CRPPA: variants seen among roughly 807,000 people sequenced by gnomAD.
CRPPA encodes the protein CDP-L-ribitol pyrophosphorylase A.
A neutral mutation model predicts 52.0 loss-of-function variants in CRPPA; 43 were observed. The observed-to-expected ratio is 0.83, with a 90% CI of 0.65 to 1.07. The LOEUF is 1.07. Among genes scored for constraint, CRPPA ranks in the 50% least tolerant of loss-of-function variants. CRPPA has a pLI of 0.00. For synonymous variants in CRPPA, 250 were observed against 203.5 expected (o/e 1.23, Z -1.94); for missense variants, 629 against 551.7 (o/e 1.14, Z -1.40).
In CRPPA at chr7:16,176,709, T is replaced by G. The variant is rs987942812; in HGVS notation, c.1251+39357A>C. On this transcript the variant is annotated intron_variant, in intron 9 of 9. Transcript: ENST00000407010. ...CTCTCACCTCAGCCTCCGCAGTAGCTGGGACTATAGGCATGCACCACCATA... is the reference window on the plus strand; with the variant it reads ...CTCTCACCTCAGCCTCCGCAGTAGCGGGGACTATAGGCATGCACCACCATA... Among the ~76,000 whole-genome samples the G allele has an allele frequency of 2.6e-5, 4 of 152,126 alleles. No homozygotes were observed. In the East Asian group the frequency reaches 7.7e-4, roughly 29 times the overall value.
intron 5 of CRPPA, among the ~76,000 whole-genome samples, chr7:16,286,926 C>T (rs1232727468): frequency 6.6e-6 from 1 of 152,070 alleles, no homozygotes; most frequent in East Asian, 1.9e-4. Context: ...TAAGTTTATT[C>T]AGAGCTGATA....
chr7:16,149,136 T>C (rs973168512), intron 9 of CRPPA, among the ~76,000 whole-genome samples: 2 of 152,182 alleles, frequency 1.3e-5, no homozygotes, highest in Non-Finnish European at 2.9e-5. Context: ...GTACTATGAA[T>C]ATACATATGG....
At position 16,311,466 on chromosome 7, in the gene CRPPA, C is replaced by G. The variant is rs187631639; in HGVS notation, c.685-2839G>C. Among the ~76,000 whole-genome samples the G allele has an allele frequency of 2.6e-5, 4 of 152,146 alleles. 1 individual carries two copies. In the East Asian group the frequency reaches 5.8e-4, roughly 22 times the overall value. On this transcript the variant is annotated intron_variant, in intron 3 of 9. Coordinates refer to ENST00000407010, the MANE Select transcript of CRPPA (RefSeq NM_001101426.4). Reference sequence around the variant, plus strand: ...TGTTTTACATTGTATTCTCTCACACCAAAATATGCATTTAATTTCCCTTTT... The same window carrying G: ...TGTTTTACATTGTATTCTCTCACACGAAAATATGCATTTAATTTCCCTTTT...
At chr7:16,376,434 G>A (rs1786888299) in intron 2 of CRPPA, among the ~76,000 whole-genome samples, 193 bp from the exon 3 acceptor site, 1 of 152,010 alleles carries the variant, frequency 6.6e-6, no homozygotes, top group African/African-American at 2.4e-5. Context: ...TAGTATTACA[G>A]TTCCATACAT....
At chr7:16,389,928 A>AAATATAT in intron 2 of CRPPA, among the ~76,000 whole-genome samples, 6 of 29,760 alleles carry the variant, frequency 2.0e-4, no homozygotes, top group East Asian at 1.4e-3. Flanking sequence ...AAAAAAAAAA[A>AAATATAT]ATATATATAT....
At chr7:16,351,447 A>G (rs1786149993) in intron 3 of CRPPA, among the ~76,000 whole-genome samples, 1 of 152,240 alleles carries the variant, frequency 6.6e-6, no homozygotes, top group South Asian at 2.1e-4. Context: ...GCACAGCAAA[A>G]GAAATTATCA....
chr7:16,316,341 T>C (rs899515742), intron 3 of CRPPA, among the ~76,000 whole-genome samples: 1 of 152,138 alleles, frequency 6.6e-6, no homozygotes, highest in South Asian at 2.1e-4. Context: ...TTGTACCCTT[T>C]GCCATGTACA....
At chr7:16,156,130 A>T (rs1783176502) in intron 9 of CRPPA, among the ~76,000 whole-genome samples, 1 of 152,026 alleles carries the variant, frequency 6.6e-6, no homozygotes, top group African/African-American at 2.4e-5. Context: ...AAAAAAAAAA[A>T]AAAATACGCT....
At chr7:16,393,757 C>A (rs73071083) in intron 2 of CRPPA, among the ~76,000 whole-genome samples, 7,820 of 152,152 alleles carry the variant, frequency 0.051, 289 homozygotes, top group Non-Finnish European at 0.079. Context: ...TATCACAACA[C>A]ATTGTGATTT....
chr7:16,139,043 C>G (rs906868833), intron 9 of CRPPA, among the ~76,000 whole-genome samples: 2 of 152,132 alleles, frequency 1.3e-5, no homozygotes, highest in Non-Finnish European at 2.9e-5. Flanking sequence ...CTCAAGTGAT[C>G]CACCCACCTC....
At chr7:16,393,243 A>T (rs913991721) in intron 2 of CRPPA, among the ~76,000 whole-genome samples, 1 of 152,188 alleles carries the variant, frequency 6.6e-6, no homozygotes, top group African/African-American at 2.4e-5. Flanking sequence ...TTTAGAATGC[A>T]TATATACACA....
intron 9 of CRPPA, among the ~76,000 whole-genome samples, chr7:16,164,788 G>T (rs747448476): frequency 2.0e-5 from 3 of 152,170 alleles, no homozygotes; most frequent in Non-Finnish European, 4.4e-5. Context: ...GCTGGAGCTT[G>T]CTGGGAGTCC....
chr7:16,326,158 C>T (rs537690487), intron 3 of CRPPA, among the ~76,000 whole-genome samples: 1 of 151,728 alleles, frequency 6.6e-6, no homozygotes, highest in East Asian at 1.9e-4. Context: ...TATATATTCC[C>T]TCCCTGGATA....
At chr7:16,189,323 C>A (rs530889014) in intron 9 of CRPPA, among the ~76,000 whole-genome samples, 35 of 152,298 alleles carry the variant, frequency 2.3e-4, no homozygotes, top group Middle Eastern at 3.4e-3. Context: ...ACAGCAGAGC[C>A]ATTTTGCTGT....
intron 4 of CRPPA, among the ~76,000 whole-genome samples, chr7:16,306,882 T>G (rs1247183018): frequency 6.6e-6 from 1 of 152,096 alleles, no homozygotes; most frequent in Non-Finnish European, 1.5e-5. Context: ...AAATGAAGAG[T>G]AATATTGCAT....
At chr7:16,413,178 T>C (rs929896714) in intron 1 of CRPPA, among the ~76,000 whole-genome samples, 3 of 152,204 alleles carry the variant, frequency 2.0e-5, no homozygotes, top group African/African-American at 7.2e-5. Flanking sequence ...CCTGACGTTT[T>C]AGCAGCAAAA....
chr7:16,275,916 T>A (rs1179174004), intron 6 of CRPPA, among the ~76,000 whole-genome samples: 1 of 151,354 alleles, frequency 6.6e-6, no homozygotes, highest in African/African-American at 2.4e-5. Context: ...CAGAAACCCA[T>A]GCACATCAGA....
In CRPPA at chr7:16,358,355, C is replaced by T. The variant is rs60864421; in HGVS notation, c.684+17737G>A. Among the ~76,000 whole-genome samples, 773 of 152,250 alleles carry T rather than the reference C, an allele frequency of 5.1e-3. 6 individuals are homozygous for T. Among genetic ancestry groups the T allele is most frequent in the African/African-American group, 0.016 (685 of 41,542 alleles). ...GTTTACAGGGTCCAGCAGACAATGA[C>T]GGGTGGATTTGGAGCTGGGAAGCGA... On this transcript the variant is annotated intron_variant, in intron 3 of 9. Transcript: ENST00000407010.
chr7:16,267,502 A>G (rs1278982123), intron 6 of CRPPA, among the ~76,000 whole-genome samples: 1 of 152,188 alleles, frequency 6.6e-6, no homozygotes, highest in African/African-American at 2.4e-5. Context: ...TCTAAAAGTC[A>G]TCTCTCATTT....
Sources: gnomAD v4.1 joint callset for allele counts (sites outside exome capture counted in the v4.1 genomes callset) on GRCh38, gnomAD v4.1.1 for gene constraint, MANE v1.5 for transcripts, NCBI Gene and HGNC (gene_info 2026-07-23, HGNC 2026-07-21) for gene names.